The following UBE2E1 variants were observed in gnomAD, a reference collection of about 807,000 sequenced individuals.
UBE2E1 encodes ubiquitin conjugating enzyme E2 E1, also known as ubiquitin-conjugating enzyme E2 E1.
A neutral mutation model predicts 21.4 loss-of-function variants in UBE2E1; 6 were observed. The observed-to-expected ratio is 0.28, with a 90% CI of 0.15 to 0.55. UBE2E1 has a LOEUF of 0.55. UBE2E1 is among the 20% of genes least tolerant of loss of function. The probability of loss-of-function intolerance (pLI) is 0.93; values close to 1 mark genes in which losing one functional copy is unlikely to be tolerated. For synonymous variants in UBE2E1, 87 were observed against 82.7 expected (o/e 1.05, Z -0.28); for missense variants, 142 against 236.5 (o/e 0.60, Z 2.62).
chr3:23,831,533 T>TTTTTTTC (rs1553636717), intron 3 of UBE2E1, among the ~76,000 whole-genome samples: 1 of 150,840 alleles, frequency 6.6e-6, no homozygotes, highest in Non-Finnish European at 1.5e-5. Context: ...TTTTTTTTTT[T>TTTTTTTC]CGAGACATGG....
intron 2 of UBE2E1, among the ~76,000 whole-genome samples, chr3:23,809,170 T>C (rs561337440): frequency 6.6e-6 from 1 of 152,366 alleles, no homozygotes; most frequent in East Asian, 1.9e-4. Context: ...GCTTTTGTTT[T>C]GTTTTTGCAA....
chr3:23,843,878 C>A (rs768100776), intron 3 of UBE2E1, among the ~76,000 whole-genome samples: 1 of 152,178 alleles, frequency 6.6e-6, no homozygotes, highest in Non-Finnish European at 1.5e-5. Context: ...AAATGCTTTT[C>A]CTGTGTTTTT....
Position 23,838,580 on chromosome 3 carries a change from C to T in UBE2E1, c.203+27070C>T, listed in dbSNP as rs192046467. ...CCTGATCTCAGCTCACTGCAACCTC[C>T]GCCCTGCAGGGTTCAGGAGATTTCT... is the stretch of plus-strand genomic sequence containing the variant. On this transcript the variant is annotated intron_variant, in intron 3 of 5. Transcript: ENST00000306627. Among the ~76,000 whole-genome samples, 297 of 152,016 alleles carry T rather than the reference C, an allele frequency of 2.0e-3. 1 individual carries two copies. The highest frequency in any genetic ancestry group is 6.2e-3 in the African/African-American group (257 of 41,480).
At chr3:23,859,111 A>G (rs188031737) in intron 3 of UBE2E1, among the ~76,000 whole-genome samples, 4 of 152,224 alleles carry the variant, frequency 2.6e-5, no homozygotes, top group African/African-American at 7.2e-5. Context: ...TAAACTTACT[A>G]CCAGTTACCT....
intron 3 of UBE2E1, among the ~76,000 whole-genome samples, chr3:23,824,109 G>T (rs959268764): frequency 1.3e-5 from 2 of 152,132 alleles, no homozygotes; most frequent in Non-Finnish European, 2.9e-5. Context: ...TTGTAGATGC[G>T]GGGATTTCTA....
chr3:23,827,248 A>G (rs1699777584), intron 3 of UBE2E1, among the ~76,000 whole-genome samples: 1 of 152,218 alleles, frequency 6.6e-6, no homozygotes, highest in Non-Finnish European at 1.5e-5. Flanking sequence ...TGGTAATTCT[A>G]AAATGATATG....
At chr3:23,885,837 G>A (rs1341657987) in intron 3 of UBE2E1, among the ~76,000 whole-genome samples, 2 of 152,062 alleles carry the variant, frequency 1.3e-5, no homozygotes, top group Non-Finnish European at 2.9e-5. Context: ...TCCAGCCTGG[G>A]CAACAAGAGC....
At chr3:23,859,693 T>G (rs1337312240) in intron 3 of UBE2E1, among the ~76,000 whole-genome samples, 1 of 152,196 alleles carries the variant, frequency 6.6e-6, no homozygotes, top group Admixed American at 6.5e-5. Context: ...AAAACAGAGA[T>G]ATTCTCTCCA....
chr3:23,872,049 C>T (rs1274925811), intron 3 of UBE2E1, among the ~76,000 whole-genome samples: 10 of 151,998 alleles, frequency 6.6e-5, no homozygotes, highest in Non-Finnish European at 1.3e-4. Context: ...TGTAGCCGGC[C>T]GAGATCACGC....
In UBE2E1 at chr3:23,869,453, G is replaced by A. The variant is rs972430420; in HGVS notation, c.204-18114G>A. ...TGTGTGTGTGTGTGTGTTAACTTCA[G>A]TGATGTCTCAGTTTTGGTCATTCCT... On this transcript the variant is annotated intron_variant, in intron 3 of 5. Coordinates refer to ENST00000306627, the MANE Select transcript of UBE2E1 (RefSeq NM_003341.5). Among the ~76,000 whole-genome samples the A allele has an allele frequency of 5.9e-5, 8 of 135,512 alleles. No homozygotes were observed. The South Asian group carries it at 1.9e-3, about 32-fold the overall frequency. The allele number at this position is 135,512 out of a possible 152,430, so 88.9% of individuals were successfully genotyped here.
intron 3 of UBE2E1, among the ~76,000 whole-genome samples, chr3:23,864,873 C>T (rs1700621119): frequency 6.6e-6 from 1 of 152,216 alleles, no homozygotes; most frequent in Non-Finnish European, 1.5e-5. Flanking sequence ...AGAAAGAAAA[C>T]TGGGGTCTTA....
rs1701409797 is a variant in UBE2E1, at chr3:23,890,975, G to A, written c.*369G>A. 6.4e-6 allele frequency: 1 copy of A among 157,446 alleles called. No homozygotes were observed. The highest frequency in any genetic ancestry group is 2.4e-5 in the African/African-American group (1 of 41,628). The allele number at this position is 157,446 out of a possible 1,614,324, so 9.8% of individuals were successfully genotyped here. On this transcript the variant is annotated 3_prime_UTR_variant, in exon 6 of 6. Transcript: ENST00000306627. ...GTCCCTCTAAGACTACATACTTTTT[G>A]TTTAAAACAAAATTGGAATTTGTTT...
intron 3 of UBE2E1, among the ~76,000 whole-genome samples, chr3:23,835,733 T>C (rs1254677931): frequency 3.3e-5 from 5 of 152,154 alleles, no homozygotes; most frequent in African/African-American, 9.7e-5. Flanking sequence ...TCCTCCCCCC[T>C]TTTTTTAGAC....
chr3:23,889,605 G>T, intron 5 of UBE2E1: 4 of 985,146 alleles, frequency 4.1e-6, no homozygotes, highest in Non-Finnish European at 4.8e-6. Flanking sequence ...CGAGTCATCT[G>T]CCTGGCAAGC....
chr3:23,834,846 TTAAAA>T (rs1699946110), intron 3 of UBE2E1, among the ~76,000 whole-genome samples: 1 of 152,224 alleles, frequency 6.6e-6, no homozygotes, highest in African/African-American at 2.4e-5. Context: ...ATTTTTTAAC[TTAAAA>T]TATTAATGTA....
intron 3 of UBE2E1, among the ~76,000 whole-genome samples, chr3:23,868,558 C>T (rs1454594708): frequency 1.3e-5 from 2 of 152,170 alleles, no homozygotes; most frequent in Non-Finnish European, 1.5e-5. Context: ...CCGCCTGCCT[C>T]AGCCTCCCAA....
intron 3 of UBE2E1, among the ~76,000 whole-genome samples, chr3:23,838,530 T>C (rs144597096): frequency 0.012 from 1,896 of 152,276 alleles, 45 homozygotes; most frequent in African/African-American, 0.043. Context: ...AGTCTTACCC[T>C]GTCACCCAGG....
Position 23,887,897 on chromosome 3 carries a change from C to T in UBE2E1, c.336+198C>T, listed in dbSNP as rs562350455. On this transcript the variant is annotated intron_variant, in intron 4 of 5. Transcript: ENST00000306627. The surrounding 1 kb of genome is among the most constrained non-coding windows in gnomAD (Gnocchi z 4.4). ...GCAGAGACCATTCTAGGATTAAGTG[C>T]TTTGTTTTGATGGTGCTTAAAATTG... The T allele has an allele frequency of 1.5e-5, 10 of 668,320 alleles. No homozygotes were observed. Among genetic ancestry groups the T allele is most frequent in the African/African-American group, 1.1e-4 (6 of 55,070 alleles). 41.4% of individuals were successfully genotyped at this position (668,320 alleles called of 1,614,324 possible). A position where few individuals can be genotyped will look rare whatever the true frequency, so the allele number is the denominator to read the frequency against.
chr3:23,831,634 T>G (rs1350364267), intron 3 of UBE2E1, among the ~76,000 whole-genome samples: 1 of 150,164 alleles, frequency 6.7e-6, no homozygotes, highest in East Asian at 2.0e-4. Context: ...CCCTCCCACC[T>G]TAGCCTCCTA....
Sources: allele counts gnomAD v4.1 joint callset (sites outside exome capture counted in the v4.1 genomes callset), GRCh38; gene constraint gnomAD v4.1.1; non-coding constraint Gnocchi (gnomAD v3.1); transcripts MANE v1.5; gene names NCBI Gene and HGNC (gene_info 2026-07-23, HGNC 2026-07-21).